The following EBF1 variants were observed in gnomAD, a reference collection of about 807,000 sequenced individuals.
The protein encoded by EBF1 is transcription factor COE1.
A neutral mutation model predicts 68.4 loss-of-function variants in EBF1; 10 were observed. The observed-to-expected ratio is 0.15, with a 90% confidence interval of 0.09 to 0.25. EBF1 has a LOEUF of 0.25. Ranked by LOEUF, EBF1 falls within the 10% of genes least tolerant of loss-of-function variation. EBF1 has a pLI of 1.00. For synonymous variants in EBF1, 298 were observed against 299.8 expected, an observed-to-expected ratio of 0.99 and a Z score of 0.06; for missense variants, 509 against 794.4, an observed-to-expected ratio of 0.64 and a Z score of 4.32.
intron 6 of EBF1, among the ~76,000 whole-genome samples, chr5:158,848,505 AC>A (rs1431858502): frequency 6.6e-6 from 1 of 152,244 alleles, no homozygotes; most frequent in Non-Finnish European, 1.5e-5. Flanking sequence ...ATAATGAAAG[AC>A]CAGTGGGTGA....
chr5:158,905,923 G>T (rs1804479841), intron 6 of EBF1, among the ~76,000 whole-genome samples: 1 of 152,148 alleles, frequency 6.6e-6, no homozygotes, highest in African/African-American at 2.4e-5. Context: ...GCAAAATAAA[G>T]CAGTCATTTG....
rs552434993 is a variant in EBF1 at position 158,696,773 on chromosome 5, T to C, written c.*2338A>G. On this transcript the variant is annotated 3_prime_UTR_variant, in exon 16 of 16. Coordinates refer to ENST00000313708, the MANE Select transcript of EBF1 (RefSeq NM_024007.5). ...ACTCTTGACAGCCTAGTGAAAACCA[T>C]TGCAAAATCCATATGGGGGCATGCA... 13 of 124,230 alleles carry C rather than the reference T, an allele frequency of 1.0e-4. No individual in the cohort carries two copies. The highest frequency in any genetic ancestry group is 5.9e-4 in the South Asian group (2 of 3,402). 7.7% of individuals were successfully genotyped at this position (124,230 alleles called of 1,614,324 possible). A position where few individuals can be genotyped will look rare whatever the true frequency, so the allele number is the denominator to read the frequency against.
intron 6 of EBF1, among the ~76,000 whole-genome samples, chr5:158,866,001 T>C (rs1795801819): frequency 6.6e-6 from 1 of 152,192 alleles, no homozygotes; most frequent in Non-Finnish European, 1.5e-5. Flanking sequence ...AGGCTAATGG[T>C]ATCACATTTG....
chr5:158,728,886 G>A (rs529511343), intron 11 of EBF1, among the ~76,000 whole-genome samples: 6 of 152,166 alleles, frequency 3.9e-5, no homozygotes, highest in Non-Finnish European at 8.8e-5. Context: ...TGGCAACTAT[G>A]GGCCAGATGC....
chr5:159,003,026 G>T (rs1762864452), intron 6 of EBF1, among the ~76,000 whole-genome samples: 1 of 152,166 alleles, frequency 6.6e-6, no homozygotes, highest in South Asian at 2.1e-4. Context: ...TGCTTCTACT[G>T]CCAGATACAT....
intron 6 of EBF1, among the ~76,000 whole-genome samples, chr5:158,904,158 A>G (rs1217868935): frequency 6.6e-6 from 1 of 152,192 alleles, no homozygotes; most frequent in Non-Finnish European, 1.5e-5. Context: ...TCACAGAGCC[A>G]ATCTGAGTTC....
intron 6 of EBF1, among the ~76,000 whole-genome samples, chr5:158,863,641 T>TA (rs929592381): frequency 4.0e-5 from 6 of 151,210 alleles, no homozygotes; most frequent in East Asian, 1.9e-4. Context: ...TGGCTTATTA[T>TA]AAAAAAAAAT....
chr5:158,755,195 A>C (rs1769796862), intron 10 of EBF1, among the ~76,000 whole-genome samples: 1 of 152,012 alleles, frequency 6.6e-6, no homozygotes, highest in Non-Finnish European at 1.5e-5. Flanking sequence ...ACATATAAAG[A>C]CTGCCCATTG....
intron 6 of EBF1, among the ~76,000 whole-genome samples, chr5:158,879,327 A>C (rs1429460664): frequency 6.6e-6 from 1 of 152,208 alleles, no homozygotes; most frequent in Non-Finnish European, 1.5e-5. Flanking sequence ...ACATACGCTC[A>C]AGGAAGAGAG....
intron 6 of EBF1, among the ~76,000 whole-genome samples, chr5:159,020,450 C>T (rs1484970579): frequency 6.6e-6 from 1 of 152,146 alleles, no homozygotes; most frequent in African/African-American, 2.4e-5. Flanking sequence ...CCGCCAAAGC[C>T]CACTGCTCAG....
chr5:158,774,552 C>G (rs892189484), intron 10 of EBF1, among the ~76,000 whole-genome samples: 4 of 152,040 alleles, frequency 2.6e-5, no homozygotes, highest in African/African-American at 9.7e-5. Context: ...GAAAACCAAG[C>G]CTCACATCTT....
At chr5:158,883,383 T>TATAC (rs1409249291) in intron 6 of EBF1, among the ~76,000 whole-genome samples, 1 of 151,306 alleles carries the variant, frequency 6.6e-6, no homozygotes, top group East Asian at 1.9e-4. Flanking sequence ...CATGTATATA[T>TATAC]ATACATACAT....
intron 8 of EBF1, among the ~76,000 whole-genome samples, chr5:158,816,098 A>G (rs545041666): frequency 6.6e-6 from 1 of 152,360 alleles, no homozygotes; most frequent in South Asian, 2.1e-4. Flanking sequence ...CTTCACCAAG[A>G]TGATCTTGCC....
chr5:158,799,537 A>AG lies in EBF1; in HGVS notation c.779-3063dup, dbSNP rs535864739. On this transcript the variant is annotated intron_variant, in intron 8 of 15. Transcript: ENST00000313708. ...CCCCAACATGTCAATAATGCAATGT[A>AG]GAAAACCCTGTGACCAGCAAAAGAG... 1.4e-3 allele frequency among the ~76,000 whole-genome samples: 209 copies of AG among 152,334 alleles called. 1 individual carries two copies. Among genetic ancestry groups the AG allele is most frequent in the African/African-American group, 4.6e-3 (190 of 41,588 alleles).
chr5:159,082,657 C>G (rs1288418774), intron 5 of EBF1, among the ~76,000 whole-genome samples: 1 of 152,172 alleles, frequency 6.6e-6, no homozygotes, highest in East Asian at 1.9e-4. Context: ...GACTGTTAGC[C>G]ACACAATAGA....
intron 10 of EBF1, among the ~76,000 whole-genome samples, chr5:158,740,218 CTT>C (rs1401956557): frequency 1.3e-5 from 2 of 152,196 alleles, no homozygotes; most frequent in Non-Finnish European, 2.9e-5. Context: ...CTACCAGTGA[CTT>C]ATGGCTCTCA....
chr5:159,064,572 T>C (rs1365087399), intron 6 of EBF1, among the ~76,000 whole-genome samples: 1 of 152,190 alleles, frequency 6.6e-6, no homozygotes, highest in East Asian at 1.9e-4. Flanking sequence ...AAGCTACTAT[T>C]AAACTCACAG....
chr5:158,804,720 C>G (rs560256590), intron 8 of EBF1, among the ~76,000 whole-genome samples: 1 of 152,104 alleles, frequency 6.6e-6, no homozygotes, highest in Non-Finnish European at 1.5e-5. Flanking sequence ...TTTTATAACT[C>G]AAGGTGTGAC....
intron 6 of EBF1, among the ~76,000 whole-genome samples, chr5:158,899,432 T>C (rs1802836488): frequency 6.6e-6 from 1 of 152,220 alleles, no homozygotes; most frequent in African/African-American, 2.4e-5. Context: ...TAATCTCATC[T>C]GGAATTTAAT....
Sources: gnomAD v4.1 joint callset for allele counts (sites outside exome capture counted in the v4.1 genomes callset) on GRCh38, gnomAD v4.1.1 for gene constraint, MANE v1.5 for transcripts, NCBI Gene and HGNC (gene_info 2026-07-23, HGNC 2026-07-21) for gene names.